Variants in ENOX1 observed in about 807,000 individuals in gnomAD.
ENOX1 encodes the protein ecto-NOX disulfide-thiol exchanger 1.
In ENOX1, 42 loss-of-function variants were observed where a neutral mutation model predicts 82.5. The ratio of observed to expected loss-of-function variants is 0.51; its 90% CI spans 0.40 to 0.66. The LOEUF is 0.66. Among genes scored for constraint, ENOX1 ranks in the 30% least tolerant of loss-of-function variants. The pLI is 0.00. For missense variants in ENOX1, 608 were observed against 811.6 expected (o/e 0.75, Z 3.05); for synonymous variants, 271 against 282.2 (o/e 0.96, Z 0.40).
Position 43,259,600 on chromosome 13 carries a change from G to A in ENOX1, c.1611+5798C>T, listed in dbSNP as rs578182492. ...AGCAATTCTCCTACCTCAGCCTCCCGAGTAGCTGGGATTTACAGGCATGTG... is the reference window on the plus strand; with the variant it reads ...AGCAATTCTCCTACCTCAGCCTCCCAAGTAGCTGGGATTTACAGGCATGTG... On this transcript the variant is annotated intron_variant, in intron 14 of 16. Transcript: ENST00000690772. 6.6e-5 allele frequency among the ~76,000 whole-genome samples: 10 copies of A among 152,230 alleles called. No homozygotes were observed. In the South Asian group the frequency reaches 8.3e-4, roughly 13 times the overall value.
intron 5 of ENOX1, among the ~76,000 whole-genome samples, chr13:43,390,618 C>T (rs911757215): frequency 6.6e-6 from 1 of 152,110 alleles, no homozygotes; most frequent in African/African-American, 2.4e-5. Context: ...TAGGACTTTA[C>T]TTTTTATATT....
intron 1 of ENOX1, among the ~76,000 whole-genome samples, chr13:43,701,111 T>A (rs890354856): frequency 4.6e-5 from 7 of 152,176 alleles, no homozygotes; most frequent in Admixed American, 4.6e-4. Context: ...GTTTTACGCA[T>A]TTTTTTGCAA....
chr13:43,704,474 A>C (rs1288656465), intron 1 of ENOX1, among the ~76,000 whole-genome samples: 1 of 152,126 alleles, frequency 6.6e-6, no homozygotes, highest in African/African-American at 2.4e-5. Context: ...AAGAAAAAAA[A>C]ACAACACACT....
chr13:43,244,650 G>A (rs538773532), intron 14 of ENOX1, among the ~76,000 whole-genome samples: 2 of 152,248 alleles, frequency 1.3e-5, no homozygotes, highest in South Asian at 4.1e-4. Context: ...ACCCTAAATA[G>A]AGAAACCACC....
chr13:43,250,429 G>A (rs564633546), intron 14 of ENOX1, among the ~76,000 whole-genome samples: 3 of 152,302 alleles, frequency 2.0e-5, no homozygotes, highest in East Asian at 1.9e-4. Flanking sequence ...CCCAACAGGC[G>A]GCATTGTGCC....
intron 12 of ENOX1, among the ~76,000 whole-genome samples, chr13:43,295,218 T>C (rs1260510197): frequency 6.6e-6 from 1 of 152,176 alleles, no homozygotes; most frequent in Non-Finnish European, 1.5e-5. Flanking sequence ...CAAATGAAAG[T>C]CAAAAGCCTC....
At chr13:43,216,065 G>A (rs562209346) in intron 16 of ENOX1, among the ~76,000 whole-genome samples, 260 of 152,154 alleles carry the variant, frequency 1.7e-3, no homozygotes, top group African/African-American at 4.5e-3. Context: ...GTGTGGTGGC[G>A]CGTGCCTGTA....
chr13:43,582,999 A>T (rs2080818431), intron 2 of ENOX1, among the ~76,000 whole-genome samples: 1 of 116,130 alleles, frequency 8.6e-6, no homozygotes, highest in Non-Finnish European at 1.8e-5. Context: ...ACAGACAGAC[A>T]GACAGACACA....
chr13:43,293,729 T>C (rs1308868447), intron 12 of ENOX1, among the ~76,000 whole-genome samples: 1 of 152,234 alleles, frequency 6.6e-6, no homozygotes, highest in Non-Finnish European at 1.5e-5. Context: ...TCAGATGTAA[T>C]CACTATGTTT....
intron 12 of ENOX1, among the ~76,000 whole-genome samples, chr13:43,269,863 T>G (rs1210988694): frequency 2.0e-5 from 3 of 152,238 alleles, no homozygotes; most frequent in Non-Finnish European, 4.4e-5. Flanking sequence ...CTATATAGGA[T>G]AGTGCTAATA....
intron 2 of ENOX1, among the ~76,000 whole-genome samples, chr13:43,608,381 A>G (rs1305934934): frequency 6.6e-6 from 1 of 152,230 alleles, no homozygotes; most frequent in African/African-American, 2.4e-5. Context: ...AAGATGACTG[A>G]GATCATTTCT....
At chr13:43,372,929 G>A (rs75664413) in intron 5 of ENOX1, among the ~76,000 whole-genome samples, 2,653 of 151,120 alleles carry the variant, frequency 0.018, 80 homozygotes, top group African/African-American at 0.062. Context: ...ACTGTGCCTC[G>A]GTTCTTCATC....
At chr13:43,360,397 GACA>G (rs1311127162) in intron 6 of ENOX1, among the ~76,000 whole-genome samples, 1 of 152,082 alleles carries the variant, frequency 6.6e-6, no homozygotes, top group East Asian at 1.9e-4. Flanking sequence ...ATGACGAAAT[GACA>G]ACATGATGAA....
chr13:43,534,496 C>T (rs1196332597), intron 2 of ENOX1, among the ~76,000 whole-genome samples: 2 of 152,174 alleles, frequency 1.3e-5, no homozygotes, highest in East Asian at 1.9e-4. Context: ...TACCCCATCC[C>T]TTAACTCCTA....
chr13:43,453,678 C>A (rs975226324), intron 3 of ENOX1, among the ~76,000 whole-genome samples: 2 of 152,110 alleles, frequency 1.3e-5, no homozygotes, highest in Non-Finnish European at 2.9e-5. Context: ...CCTCAGAGAG[C>A]TTTTTGAGCT....
chr13:43,565,381 G>A (rs187624449), intron 2 of ENOX1, among the ~76,000 whole-genome samples: 4 of 152,258 alleles, frequency 2.6e-5, no homozygotes, highest in South Asian at 2.1e-4. Context: ...TTCTCCCTTC[G>A]TTCTGTTGAC....
At chr13:43,764,641 G>A (rs545710709) in intron 1 of ENOX1, among the ~76,000 whole-genome samples, 2 of 151,328 alleles carry the variant, frequency 1.3e-5, no homozygotes, top group East Asian at 1.9e-4. Flanking sequence ...AAAAAAAAAC[G>A]GAAAGGTTTG....
chr13:43,363,353 A>G (rs2050646162), intron 5 of ENOX1, among the ~76,000 whole-genome samples: 1 of 152,188 alleles, frequency 6.6e-6, no homozygotes, highest in African/African-American at 2.4e-5. Flanking sequence ...TGACTATTTC[A>G]AAGTTTCCAT....
chr13:43,356,245 T>C lies in ENOX1; in HGVS notation c.590-93A>G, dbSNP rs2050149769. On this transcript the variant is annotated intron_variant, in intron 7 of 16. Coordinates refer to ENST00000690772, the MANE Select transcript of ENOX1 (RefSeq NM_001347969.2). ...AAGGCACGCTTAGGCAAATGCTCAC[T>C]TATTTCTTGGCTGTCACTACGGATA... 31 of 1,069,026 alleles carry C rather than the reference T, an allele frequency of 2.9e-5. 2 individuals are homozygous for C. In the South Asian group the frequency reaches 4.8e-4, roughly 17 times the overall value. 66.2% of individuals were successfully genotyped at this position (1,069,026 alleles called of 1,614,324 possible).
Sources: gnomAD v4.1 joint callset for allele counts (sites outside exome capture counted in the v4.1 genomes callset) on GRCh38, gnomAD v4.1.1 for gene constraint, MANE v1.5 for transcripts, NCBI Gene and HGNC (gene_info 2026-07-23, HGNC 2026-07-21) for gene names.